Variants in CLPSL2 observed in about 807,000 individuals in gnomAD.
CLPSL2 encodes the protein colipase like 2.
A neutral mutation model predicts 7.9 loss-of-function variants in CLPSL2; 4 were observed. That is an observed-to-expected ratio of 0.50 (90% CI 0.25 to 1.15). The LOEUF (loss-of-function observed/expected upper bound fraction) is 1.15, where lower values mean the gene tolerates loss of function less well. CLPSL2 is among the 50% of genes most tolerant of loss of function. CLPSL2 has a pLI of 0.15. For missense variants in CLPSL2, 132 were observed against 136.6 expected (o/e 0.97, Z 0.17); for synonymous variants, 67 against 53.1 (o/e 1.26, Z -1.14).
At position 35,777,503 on chromosome 6, in the gene CLPSL2, C is replaced by A. The variant is rs756181469; in HGVS notation, c.129C>A (p.Gly43=). ...TCCACCACTCTGAGTGCTACAGTGG[C>A]TGCTGCCTCATGGACTTGGACTCCG... The part of the protein sequence containing the change: ...RCFHHSECYS[G]CCLMDLDSGG... Residue 43 remains glycine, a synonymous_variant, in exon 2 of 3, where the codon GGC becomes GGA. Coordinates refer to ENST00000403376, the MANE Select transcript of CLPSL2 (RefSeq NM_207409.4). 1 of 1,613,744 alleles carries A rather than the reference C, an allele frequency of 6.2e-7. No homozygotes were observed. Among genetic ancestry groups the A allele is most frequent in the South Asian group, 1.1e-5 (1 of 91,086 alleles).
In CLPSL2 at chr6:35,777,588, C is replaced by A; in HGVS notation, c.207+7C>A. 6.2e-7 allele frequency: 1 copy of A among 1,609,930 alleles called. No individual in the cohort carries two copies. On this transcript the variant is annotated splice_region_variant and intron_variant, in intron 2 of 2. Coordinates refer to ENST00000403376, the MANE Select transcript of CLPSL2 (RefSeq NM_207409.4). The stretch of plus-strand genomic sequence containing the variant: ...CATGATCTGCTTGCCCCAGGTGAGG[C>A]CCTAGTATGGGGCAACTTCTGGCAA...
intron 2 of CLPSL2, among the ~76,000 whole-genome samples, chr6:35,778,995 C>A (rs537111738): frequency 6.6e-6 from 1 of 152,122 alleles, no homozygotes; most frequent in Non-Finnish European, 1.5e-5. Flanking sequence ...TAGTCTCAAA[C>A]TCCTGACCTC....
At chr6:35,779,299 G>T in intron 2 of CLPSL2, 56 bp from the exon 3 acceptor site, 1 of 1,436,554 alleles carries the variant, frequency 7.0e-7, no homozygotes. Flanking sequence ...AGAAGTTTAA[G>T]TCCCCATCCT....
chr6:35,779,131 A>G (rs1385210022), intron 2 of CLPSL2, among the ~76,000 whole-genome samples: 3 of 151,970 alleles, frequency 2.0e-5, no homozygotes, highest in Non-Finnish European at 4.4e-5. Context: ...CCTCACAACA[A>G]CCCTATGAGG....
chr6:35,777,309 T>G (rs1159903848), intron 1 of CLPSL2, 150 bp from the exon 2 acceptor site: 13 of 733,342 alleles, frequency 1.8e-5, no homozygotes, highest in African/African-American at 1.4e-4. Context: ...GGGGTGGGGC[T>G]GGGGGGGGAA....
chr6:35,778,579 G>A (rs1273809295), intron 2 of CLPSL2, among the ~76,000 whole-genome samples: 1 of 152,240 alleles, frequency 6.6e-6, no homozygotes, highest in Non-Finnish European at 1.5e-5. Context: ...CAAGGAGAGT[G>A]TGCAGTCCAG....
At position 35,779,512 on chromosome 6, in the gene CLPSL2, C is replaced by T. The variant is rs1368841408; in HGVS notation, c.*62C>T. 3.2e-6 allele frequency: 5 copies of T among 1,551,582 alleles called. No individual in the cohort carries two copies. The highest frequency in any genetic ancestry group is 3.9e-5 in the Admixed American group (2 of 51,014). On this transcript the variant is annotated 3_prime_UTR_variant, in exon 3 of 3. Transcript: ENST00000403376. ...ATAGGCCCTGGTTGCCACCAACTTG[C>T]TCCAAATCCAGCTCCTGAGACATTA...
chr6:35,776,675 C>T lies in CLPSL2; in HGVS notation c.57C>T (p.Leu19=), dbSNP rs1271262426. ...AGVLSGAVLP[L]WSALPQYKKK... is the part of the protein sequence containing the mutation. ...TCCTGTCGGGGGCGGTGCTGCCCCT[C>T]TGGAGCGCGCTTCCGCAATATAAAA... Residue 19 remains leucine (L), a synonymous_variant, in exon 1 of 3, where the codon CTC becomes CTT. Transcript: ENST00000403376. 6.8e-7 allele frequency: 1 copy of T among 1,469,434 alleles called. No individual in the cohort carries two copies. Among genetic ancestry groups the T allele is most frequent in the South Asian group, 1.3e-5 (1 of 76,940 alleles). 91.0% of individuals were successfully genotyped at this position (1,469,434 alleles called of 1,614,324 possible). A position where few individuals can be genotyped will look rare whatever the true frequency, so the allele number is the denominator to read the frequency against.
chr6:35,778,150 T>C (rs1767883968), intron 2 of CLPSL2, among the ~76,000 whole-genome samples: 1 of 152,122 alleles, frequency 6.6e-6, no homozygotes, highest in African/African-American at 2.4e-5. Context: ...GAGATGGGGT[T>C]TTGCCATGTT....
At chr6:35,779,305 A>T (rs988161537) in intron 2 of CLPSL2, 50 bp from the exon 3 acceptor site, 26 of 1,470,362 alleles carry the variant, frequency 1.8e-5, no homozygotes, top group Admixed American at 4.1e-5. Context: ...TTAAGTCCCC[A>T]TCCTTCCTGC....
chr6:35,776,985 C>G (rs760971197), intron 1 of CLPSL2, among the ~76,000 whole-genome samples: 3 of 152,066 alleles, frequency 2.0e-5, no homozygotes, highest in Non-Finnish European at 4.4e-5. Context: ...GGGCTCGCTT[C>G]CCTCCCCAAA....
At position 35,779,357 on chromosome 6, in the gene CLPSL2, C is replaced by T. The variant is rs1338243723; in HGVS notation, c.210C>T (p.Thr70=). 2 of 1,564,042 alleles carry T rather than the reference C, an allele frequency of 1.3e-6. No individual in the cohort carries two copies. Among genetic ancestry groups the T allele is most frequent in the Admixed American group, 1.9e-5 (1 of 53,810 alleles). Reference sequence around the variant, plus strand: ...ATTCTCATACCCACTCCCTGCAGACCAAGGGAGCTACCAACATCATCTGCC... The same window carrying T: ...ATTCTCATACCCACTCCCTGCAGACTAAGGGAGCTACCAACATCATCTGCC... ...ARITMICLPQ[T]KGATNIICPC... The change falls in exon 3 of 3, where the codon ACC becomes ACT. Residue 70 remains threonine (T), a splice_region_variant and synonymous_variant. Transcript: ENST00000403376.
intron 2 of CLPSL2, among the ~76,000 whole-genome samples, chr6:35,778,700 C>G (rs1767894898): frequency 6.6e-6 from 1 of 152,242 alleles, no homozygotes; most frequent in African/African-American, 2.4e-5. Context: ...GACCCAGCCT[C>G]TATGTCCCTG....
Position 35,776,717 on chromosome 6 carries a change from G to GC in CLPSL2, c.84+16dup, listed in dbSNP as rs1209801756. 1 of 1,372,152 alleles carries GC rather than the reference G, an allele frequency of 7.3e-7. No individual in the cohort carries two copies. The highest frequency in any genetic ancestry group is 1.5e-5 in the African/African-American group (1 of 65,604). The allele number at this position is 1,372,152 out of a possible 1,614,324, so 85.0% of individuals were successfully genotyped here. On this transcript the variant is annotated intron_variant, in intron 1 of 2. Transcript: ENST00000403376. ...AATATAAAAAGGTGAGCCGGGGAGC[G>GC]CGCCCAGCCGGCCGCGACCGCAGGA... is the stretch of plus-strand genomic sequence containing the variant.
chr6:35,777,234 G>C (rs1179998617), intron 1 of CLPSL2, among the ~76,000 whole-genome samples: 2 of 152,178 alleles, frequency 1.3e-5, no homozygotes, highest in East Asian at 3.9e-4. Context: ...GGAAAGGAGA[G>C]GCCGAGGGAA....
intron 2 of CLPSL2, 83 bp from the exon 3 acceptor site, chr6:35,779,272 C>T (rs982281515): frequency 1.7e-6 from 2 of 1,173,150 alleles, no homozygotes; most frequent in East Asian, 2.6e-5. Flanking sequence ...GCCTGGTACT[C>T]TTGGTTCTGG....
intron 2 of CLPSL2, among the ~76,000 whole-genome samples, chr6:35,778,364 A>G (rs1767888159): frequency 6.6e-6 from 1 of 152,212 alleles, no homozygotes; most frequent in African/African-American, 2.4e-5. Context: ...CCACAGTGAC[A>G]TGATTTCTTG....
At chr6:35,777,311 G>C (rs990652049) in intron 1 of CLPSL2, 148 bp from the exon 2 acceptor site, 53 of 807,558 alleles carry the variant, frequency 6.6e-5, no homozygotes, top group Non-Finnish European at 9.7e-5. Context: ...GGTGGGGCTG[G>C]GGGGGGAACC....
rs780117039 is a variant in CLPSL2 at position 35,777,447 on chromosome 6, C to A, written c.85-12C>A. 1.2e-6 allele frequency: 2 copies of A among 1,613,156 alleles called. No individual in the cohort carries two copies. Among genetic ancestry groups the A allele is most frequent in the Non-Finnish European group, 1.7e-6 (2 of 1,179,610 alleles). On this transcript the variant is annotated splice_polypyrimidine_tract_variant and intron_variant, in intron 1 of 2. Transcript: ENST00000403376. ...GCTCCCAGCCTGGCAGACATTCTGC[C>A]TGTCCCCACAGAAAATCACAGACAG...
Sources: gnomAD v4.1 joint callset for allele counts (sites outside exome capture counted in the v4.1 genomes callset) on GRCh38, gnomAD v4.1.1 for gene constraint, MANE v1.5 for transcripts, NCBI Gene and HGNC (gene_info 2026-07-23, HGNC 2026-07-21) for gene names.